FOCAD: variants seen among roughly 807,000 people sequenced by gnomAD.
FOCAD encodes the protein focadhesin, also known as KIAA1797.
Under a neutral mutation model 225.6 loss-of-function variants are expected in FOCAD, and 198 were observed. That is an observed-to-expected ratio of 0.88 (90% CI 0.78 to 0.99). The LOEUF is 0.99. Ranked by LOEUF, FOCAD falls within the 50% of genes least tolerant of loss-of-function variation. FOCAD has a pLI of 0.00. For missense variants in FOCAD, 2,713 were observed against 2,123.6 expected (o/e 1.28, Z -5.46); for synonymous variants, 897 against 755.0 (o/e 1.19, Z -3.08).
chr9:20,744,545 A>T (rs1326862197), intron 5 of FOCAD, among the ~76,000 whole-genome samples: 1 of 152,232 alleles, frequency 6.6e-6, no homozygotes, highest in Non-Finnish European at 1.5e-5. Context: ...TATGCCAAGT[A>T]TAAAACTCTA....
intron 4 of FOCAD, among the ~76,000 whole-genome samples, chr9:20,729,221 G>A (rs12375966): frequency 0.56 from 85,214 of 152,040 alleles, 24,998 homozygotes; most frequent in South Asian, 0.67. Flanking sequence ...CAGCAGGACT[G>A]ATTCCTTCTG....
chr9:20,944,733 C>G lies in FOCAD; in HGVS notation c.3514C>G (p.His1172Asp). 6.2e-7 allele frequency: 1 copy of G among 1,613,940 alleles called. No individual in the cohort carries two copies. The highest frequency in any genetic ancestry group is 8.5e-7 in the Non-Finnish European group (1 of 1,179,898). ...VAALLRKLSA[H>D]VDDSGSQSRT... Reference sequence around the variant, plus strand: ...AGCATTGCTCCGGAAGCTGTCTGCGCACGTAGATGACAGCGGGAGCCAGAG... The same window carrying G: ...AGCATTGCTCCGGAAGCTGTCTGCGGACGTAGATGACAGCGGGAGCCAGAG... The change falls in exon 29 of 44, where the codon CAC becomes GAC. Residue 1172 changes from histidine to aspartate, a missense_variant. His to Asp is a moderately conservative substitution (Grantham distance 81). Coordinates refer to ENST00000338382, the MANE Select transcript of FOCAD (RefSeq NM_001375567.1).
At chr9:20,737,735 G>T (rs755271686) in intron 4 of FOCAD, among the ~76,000 whole-genome samples, 1 of 152,160 alleles carries the variant, frequency 6.6e-6, no homozygotes, top group African/African-American at 2.4e-5. Context: ...ATATTTCATG[G>T]TATCATTTAA....
intron 1 of FOCAD, among the ~76,000 whole-genome samples, chr9:20,713,176 G>A (rs1825011020): frequency 6.6e-6 from 1 of 152,142 alleles, no homozygotes; most frequent in South Asian, 2.1e-4. Flanking sequence ...ATTTCACTCA[G>A]GATAAGTGTG....
At chr9:20,672,394 C>T (rs1822090368) in intron 2 of FOCAD, among the ~76,000 whole-genome samples, 1 of 152,186 alleles carries the variant, frequency 6.6e-6, no homozygotes, top group Non-Finnish European at 1.5e-5. Flanking sequence ...CTTTCTGCAA[C>T]ACATATTTAA....
intron 15 of FOCAD, among the ~76,000 whole-genome samples, chr9:20,840,520 G>C (rs1826414649): frequency 6.8e-6 from 1 of 147,994 alleles, no homozygotes; most frequent in Non-Finnish European, 1.5e-5. Flanking sequence ...ATTATTATAA[G>C]TATTTTAAGT....
chr9:20,888,214 C>CTACAA (rs1476070230), intron 21 of FOCAD, among the ~76,000 whole-genome samples: 1 of 145,490 alleles, frequency 6.9e-6, no homozygotes, highest in Non-Finnish European at 1.5e-5. Context: ...TCTCAGCTCA[C>CTACAA]TACAACCTCC....
chr9:20,980,639 C>T (rs555300782), intron 37 of FOCAD, among the ~76,000 whole-genome samples: 1 of 152,158 alleles, frequency 6.6e-6, no homozygotes, highest in African/African-American at 2.4e-5. Context: ...GTTCCTCTGT[C>T]CCTCCCCTAT....
intron 21 of FOCAD, among the ~76,000 whole-genome samples, chr9:20,888,185 C>T (rs1287083767): frequency 4.6e-5 from 6 of 130,578 alleles, no homozygotes; most frequent in East Asian, 2.2e-4. Context: ...GTTGCCCAGG[C>T]GGGAGTGCAG....
chr9:20,939,604 C>T (rs1019062778), intron 28 of FOCAD, among the ~76,000 whole-genome samples: 1 of 151,980 alleles, frequency 6.6e-6, no homozygotes, highest in Non-Finnish European at 1.5e-5. Flanking sequence ...TTTCGTATGT[C>T]CAAGCATATT....
At chr9:20,851,505 A>T (rs921955317) in intron 15 of FOCAD, among the ~76,000 whole-genome samples, 1 of 151,834 alleles carries the variant, frequency 6.6e-6, no homozygotes, top group Non-Finnish European at 1.5e-5. Context: ...TCCAGGGCTT[A>T]TTGCTGTCAC....
intron 11 of FOCAD, among the ~76,000 whole-genome samples, chr9:20,810,823 G>A (rs1822982738): frequency 6.6e-6 from 1 of 152,038 alleles, no homozygotes; most frequent in Admixed American, 6.6e-5. Context: ...AACCCCTCAA[G>A]TGATGTGATA....
chr9:20,949,388 G>A (rs1207403862), intron 32 of FOCAD, among the ~76,000 whole-genome samples: 2 of 152,116 alleles, frequency 1.3e-5, no homozygotes, highest in Non-Finnish European at 2.9e-5. Context: ...TTGAGTGATT[G>A]CTTACATGCC....
At chr9:20,962,184 A>G (rs558307508) in intron 35 of FOCAD, among the ~76,000 whole-genome samples, 1 of 152,170 alleles carries the variant, frequency 6.6e-6, no homozygotes, top group South Asian at 2.1e-4. Context: ...TACTTATGTG[A>G]TACTTTCCTA....
At chr9:20,678,912 T>C (rs1206355896) in intron 2 of FOCAD, among the ~76,000 whole-genome samples, 2 of 152,224 alleles carry the variant, frequency 1.3e-5, no homozygotes, top group African/African-American at 4.8e-5. Context: ...AGTTTGATTG[T>C]ACCATCTGTT....
At chr9:20,959,183 C>A (rs1564205296) in intron 35 of FOCAD, among the ~76,000 whole-genome samples, 1 of 152,126 alleles carries the variant, frequency 6.6e-6, no homozygotes, top group Non-Finnish European at 1.5e-5. Context: ...TCTTCACATC[C>A]TCAACAGCAT....
At chr9:20,964,888 G>A (rs138125852) in intron 35 of FOCAD, among the ~76,000 whole-genome samples, 109 of 152,194 alleles carry the variant, frequency 7.2e-4, no homozygotes, top group Non-Finnish European at 1.3e-3. Context: ...ACTGGAAGGC[G>A]CACTACTATA....
intron 1 of FOCAD, among the ~76,000 whole-genome samples, chr9:20,696,650 C>G (rs1049356250): frequency 6.6e-6 from 1 of 152,064 alleles, no homozygotes; most frequent in Non-Finnish European, 1.5e-5. Flanking sequence ...CTAGAAAATA[C>G]AAAAATTAGC....
intron 26 of FOCAD, among the ~76,000 whole-genome samples, chr9:20,928,758 CTT>C: frequency 6.6e-6 from 1 of 152,200 alleles, no homozygotes; most frequent in South Asian, 2.1e-4. Flanking sequence ...TTTCAACTTC[CTT>C]TTTAATTAAA....
Sources: gnomAD v4.1 joint callset for allele counts (sites outside exome capture counted in the v4.1 genomes callset) on GRCh38, gnomAD v4.1.1 for gene constraint, MANE v1.5 for transcripts, NCBI Gene and HGNC (gene_info 2026-07-23, HGNC 2026-07-21) for gene names.